Variants in ASAP2 observed in about 807,000 individuals in gnomAD.
The protein encoded by ASAP2 is arf-GAP with SH3 domain, ANK repeat and PH domain-containing protein 2.
A neutral mutation model predicts 131.4 loss-of-function variants in ASAP2; 45 were observed. The observed-to-expected ratio is 0.34, with a 90% CI of 0.27 to 0.44. ASAP2 has a LOEUF of 0.44. Among genes scored for constraint, ASAP2 ranks in the 20% least tolerant of loss-of-function variants. The probability of loss-of-function intolerance (pLI) is 1.00; values close to 1 mark genes in which losing one functional copy is unlikely to be tolerated. For missense variants in ASAP2, 1,011 were observed against 1,297.0 expected, an observed-to-expected ratio of 0.78 and a Z score of 3.39; for synonymous variants, 510 against 503.0, an observed-to-expected ratio of 1.01 and a Z score of -0.19.
chr2:9,350,924 T>TAGAG, intron 12 of ASAP2, 29 bp downstream of exon 12: 1 of 1,555,444 alleles, frequency 6.4e-7, no homozygotes, highest in Non-Finnish European at 8.8e-7. Flanking sequence ...TGCCGCGCCA[T>TAGAG]AGAGACGTTG....
At chr2:9,333,040 A>G (rs567884203) in intron 7 of ASAP2, among the ~76,000 whole-genome samples, 1 of 152,346 alleles carries the variant, frequency 6.6e-6, no homozygotes, top group East Asian at 1.9e-4. Context: ...GAGTTGCTGC[A>G]TTAAAGGCCA....
At position 9,268,330 on chromosome 2, in the gene ASAP2, G is replaced by A. The variant is rs1666082356; in HGVS notation, c.127-10987G>A. Among the ~76,000 whole-genome samples the A allele has an allele frequency of 6.6e-6, 1 of 152,162 alleles. No individual in the cohort carries two copies. Among genetic ancestry groups the A allele is most frequent in the Non-Finnish European group, 1.5e-5 (1 of 68,034 alleles). On this transcript the variant is annotated intron_variant, in intron 1 of 27. Transcript: ENST00000281419. This position sits in a 1 kb window ranked among gnomAD's most constrained non-coding sequence, Gnocchi z 4.1. ...TCTGTTGTGGATGTATATTTACTCT[G>A]AGTAATTTTAATTTTTTAAGATAAT...
At chr2:9,245,571 C>A (rs1370189906) in intron 1 of ASAP2, among the ~76,000 whole-genome samples, 2 of 152,214 alleles carry the variant, frequency 1.3e-5, no homozygotes, top group South Asian at 4.1e-4. Flanking sequence ...CACTATACAT[C>A]TTCCTGACTT....
At chr2:9,284,996 C>T (rs2148336548) in intron 2 of ASAP2, among the ~76,000 whole-genome samples, 1 of 152,262 alleles carries the variant, frequency 6.6e-6, no homozygotes, top group Non-Finnish European at 1.5e-5. Flanking sequence ...CCATCGTTAC[C>T]TGCACAATAA....
At chr2:9,208,527 A>C (rs1315233430) in intron 1 of ASAP2, among the ~76,000 whole-genome samples, 1 of 151,708 alleles carries the variant, frequency 6.6e-6, no homozygotes, top group Non-Finnish European at 1.5e-5. Context: ...GTAAACAGTC[A>C]ATAAAAGGGA....
chr2:9,391,740 A>ATTTT (rs33928425), intron 23 of ASAP2, among the ~76,000 whole-genome samples: 4 of 128,512 alleles, frequency 3.1e-5, no homozygotes, highest in South Asian at 2.5e-4. Flanking sequence ...ATGCTCAGCT[A>ATTTT]TTTTTTTTTT....
Position 9,278,399 on chromosome 2 carries a change from G to A in ASAP2, c.127-918G>A, listed in dbSNP as rs537775040. On this transcript the variant is annotated intron_variant, in intron 1 of 27. Coordinates refer to ENST00000281419, the MANE Select transcript of ASAP2 (RefSeq NM_003887.3). ...ATGGTGGCATACCCCTGTAATCCCA[G>A]CTACTTGGGAGGCTGAGGCAGGAGA... is the stretch of plus-strand genomic sequence containing the variant. Among the ~76,000 whole-genome samples, 30 of 152,086 alleles carry A rather than the reference G, an allele frequency of 2.0e-4. No individual in the cohort carries two copies. The South Asian group carries it at 6.0e-3, about 31-fold the overall frequency.
intron 8 of ASAP2, 104 bp downstream of exon 8, chr2:9,334,917 C>A (rs1572481669): frequency 7.0e-7 from 1 of 1,427,206 alleles, no homozygotes; most frequent in South Asian, 1.2e-5. Flanking sequence ...TGCCGTGCCG[C>A]CCACGTGGAG....
At chr2:9,219,476 A>G (rs145842071) in intron 1 of ASAP2, among the ~76,000 whole-genome samples, 20 of 152,216 alleles carry the variant, frequency 1.3e-4, no homozygotes, top group Non-Finnish European at 2.5e-4. Flanking sequence ...TAAAAATTCC[A>G]TAGTTCTTTG....
At chr2:9,240,823 G>A (rs1663909284) in intron 1 of ASAP2, among the ~76,000 whole-genome samples, 1 of 152,066 alleles carries the variant, frequency 6.6e-6, no homozygotes, top group Non-Finnish European at 1.5e-5. Flanking sequence ...GGGTTCTTGT[G>A]CTCTGGGACC....
chr2:9,400,698 G>C (rs1676586553), intron 25 of ASAP2, 44 bp from the exon 26 acceptor site: 3 of 1,515,778 alleles, frequency 2.0e-6, no homozygotes, highest in Non-Finnish European at 2.7e-6. Context: ...TCTCATGGCT[G>C]TGATTGATGG....
At chr2:9,374,189 G>C (rs182149608) in intron 16 of ASAP2, among the ~76,000 whole-genome samples, 25 of 152,320 alleles carry the variant, frequency 1.6e-4, no homozygotes, top group Admixed American at 8.5e-4. Context: ...CCAGAAAGTA[G>C]AACACAAAGA....
Position 9,292,412 on chromosome 2 carries a change from G to A in ASAP2, c.200-4888G>A, listed in dbSNP as rs550724248. On this transcript the variant is annotated intron_variant, in intron 2 of 27. Coordinates refer to ENST00000281419, the MANE Select transcript of ASAP2 (RefSeq NM_003887.3). ...GTGCGCCTGTAGTCTCAGCTACTCG[G>A]GAGGCTGAGGCAGGAGAATCACTTG... 1.2e-4 allele frequency among the ~76,000 whole-genome samples: 18 copies of A among 152,212 alleles called. No individual in the cohort carries two copies. In the South Asian group the frequency reaches 3.3e-3, roughly 28 times the overall value.
At chr2:9,397,752 T>TATATAATATA (rs1558403474) in intron 24 of ASAP2, among the ~76,000 whole-genome samples, 16 of 74,458 alleles carry the variant, frequency 2.1e-4, no homozygotes, top group African/African-American at 1.8e-3. Flanking sequence ...ATATATATAT[T>TATATAATATA]TTTTTTTTTT....
In ASAP2 at chr2:9,268,688, G is replaced by A. The variant is rs1218416915; in HGVS notation, c.127-10629G>A. The stretch of plus-strand genomic sequence containing the variant: ...CTTGGCAAAGCCACCCTGGGGGCAC[G>A]GACCTGGGTGTGTTTTGTTTTTTGT... On this transcript the variant is annotated intron_variant, in intron 1 of 27. Coordinates refer to ENST00000281419, the MANE Select transcript of ASAP2 (RefSeq NM_003887.3). This position sits in a 1 kb window ranked among gnomAD's most constrained non-coding sequence, Gnocchi z 4.1. Among the ~76,000 whole-genome samples the A allele has an allele frequency of 6.6e-6, 1 of 152,218 alleles. No homozygotes were observed. The highest frequency in any genetic ancestry group is 1.5e-5 in the Non-Finnish European group (1 of 68,034).
chr2:9,240,589 C>G (rs528692664), intron 1 of ASAP2, among the ~76,000 whole-genome samples: 1 of 152,260 alleles, frequency 6.6e-6, no homozygotes, highest in Admixed American at 6.5e-5. Flanking sequence ...TAAGCACTTG[C>G]CACGCACCAC....
intron 6 of ASAP2, among the ~76,000 whole-genome samples, chr2:9,323,822 G>A (rs1328166509): frequency 1.3e-5 from 2 of 152,228 alleles, no homozygotes; most frequent in African/African-American, 4.8e-5. Context: ...CCTTCCCTTA[G>A]TGAGGCGGAG....
intron 27 of ASAP2, among the ~76,000 whole-genome samples, chr2:9,402,872 T>C (rs926070006): frequency 1.3e-5 from 2 of 152,204 alleles, no homozygotes; most frequent in East Asian, 3.9e-4. Flanking sequence ...CTTTGCCACT[T>C]TAGGTGACGT....
At chr2:9,295,758 TAAAAA>T (rs1247231638) in intron 2 of ASAP2, among the ~76,000 whole-genome samples, 1 of 152,166 alleles carries the variant, frequency 6.6e-6, no homozygotes, top group African/African-American at 2.4e-5. Context: ...ACTGGAATGT[TAAAAA>T]AGAAAAAGGA....
Sources: allele counts gnomAD v4.1 joint callset (sites outside exome capture counted in the v4.1 genomes callset), GRCh38; gene constraint gnomAD v4.1.1; non-coding constraint Gnocchi (gnomAD v3.1); transcripts MANE v1.5; gene names NCBI Gene and HGNC (gene_info 2026-07-23, HGNC 2026-07-21).